QTMAN: variants seen among roughly 807,000 people sequenced by gnomAD.
The protein encoded by QTMAN is queuosine-tRNA mannosyltransferase, also known as tRNA-queuosine alpha-mannosyltransferase.
chr2:144,293,546 A>G, the QTMAN span, among the ~76,000 whole-genome samples: 1 of 152,192 alleles, frequency 6.6e-6, no homozygotes, highest in African/African-American at 2.4e-5. Context: ...AGATTTGAAC[A>G]TAACTCTAAA....
chr2:144,074,208 T>A, the QTMAN span, among the ~76,000 whole-genome samples: 1 of 152,208 alleles, frequency 6.6e-6, no homozygotes, highest in African/African-American at 2.4e-5. Context: ...ATTTTAAGAA[T>A]TTAGGAGCAG....
At chr2:144,117,048 G>A in the QTMAN span, among the ~76,000 whole-genome samples, 1 of 152,254 alleles carries the variant, frequency 6.6e-6, no homozygotes, top group South Asian at 2.1e-4. Flanking sequence ...GGTGAATACC[G>A]GTCTCTATTT....
the QTMAN span, among the ~76,000 whole-genome samples, chr2:144,262,310 G>T: frequency 3.9e-5 from 6 of 152,020 alleles, no homozygotes; most frequent in East Asian, 1.2e-3. Context: ...TGTTCTTACC[G>T]GCTTTGGTCA....
At chr2:144,016,218 T>C in the QTMAN span, among the ~76,000 whole-genome samples, 1 of 152,214 alleles carries the variant, frequency 6.6e-6, no homozygotes, top group Non-Finnish European at 1.5e-5. Flanking sequence ...TTTGGTCTGT[T>C]AACCCCCCAA....
the QTMAN span, among the ~76,000 whole-genome samples, chr2:144,057,047 A>C: frequency 6.6e-6 from 1 of 152,320 alleles, no homozygotes; most frequent in East Asian, 1.9e-4. Flanking sequence ...GAACAAAGGC[A>C]ATCAGAGTTA....
chr2:144,135,604 G>A, the QTMAN span, among the ~76,000 whole-genome samples: 1 of 152,004 alleles, frequency 6.6e-6, no homozygotes, highest in African/African-American at 2.4e-5. Flanking sequence ...GCTTTCAAAA[G>A]CCTTGAGCGC....
At chr2:144,008,057 T>C in the QTMAN span, among the ~76,000 whole-genome samples, 2 of 152,158 alleles carry the variant, frequency 1.3e-5, no homozygotes, top group African/African-American at 4.8e-5. Flanking sequence ...TTTTTTATTA[T>C]CATTTCTCTC....
At chr2:144,304,183 T>C in the QTMAN span, among the ~76,000 whole-genome samples, 1 of 152,218 alleles carries the variant, frequency 6.6e-6, no homozygotes, top group African/African-American at 2.4e-5. Flanking sequence ...TCGTTGACCA[T>C]GCACAGCATT....
the QTMAN span, among the ~76,000 whole-genome samples, chr2:144,243,187 G>C: frequency 6.6e-6 from 1 of 152,120 alleles, no homozygotes; most frequent in African/African-American, 2.4e-5. Context: ...GAAACTCACA[G>C]GAAGATTCTA....
chr2:143,976,429 C>A, the QTMAN span, among the ~76,000 whole-genome samples: 1 of 152,168 alleles, frequency 6.6e-6, no homozygotes, highest in Non-Finnish European at 1.5e-5. Flanking sequence ...CTTTACTTCC[C>A]ATTATGAAAT....
the QTMAN span, among the ~76,000 whole-genome samples, chr2:144,037,237 G>A: frequency 6.6e-6 from 1 of 152,316 alleles, no homozygotes; most frequent in African/African-American, 2.4e-5. Context: ...ACAACAACGT[G>A]AATGAACTAA....
chr2:144,327,036 TCTC>T, the QTMAN span, among the ~76,000 whole-genome samples: 1 of 152,106 alleles, frequency 6.6e-6, no homozygotes, highest in African/African-American at 2.4e-5. Flanking sequence ...CCTCTGACCT[TCTC>T]CTGCCCCAAG....
At chr2:144,323,159 T>C in the QTMAN span, among the ~76,000 whole-genome samples, 1 of 152,150 alleles carries the variant, frequency 6.6e-6, no homozygotes, top group Non-Finnish European at 1.5e-5. Flanking sequence ...CAAGTAAAAA[T>C]GATGCTTCAT....
chr2:144,308,943 G>C, the QTMAN span, among the ~76,000 whole-genome samples: 34 of 152,088 alleles, frequency 2.2e-4, no homozygotes, highest in Non-Finnish European at 8.8e-5. Flanking sequence ...ACAATCCAAC[G>C]TTTTTTAATG....
At chr2:144,293,158 T>TA in the QTMAN span, among the ~76,000 whole-genome samples, 1 of 152,114 alleles carries the variant, frequency 6.6e-6, no homozygotes, top group Non-Finnish European at 1.5e-5. Context: ...ATTGAGTGCA[T>TA]AAAAAAGACT....
At chr2:144,145,983 T>TAAGAAAAAAAAAAAAAAAAA in the QTMAN span, 2 of 19,440 alleles carry the variant, frequency 1.0e-4, 1 homozygote, top group Non-Finnish European at 2.4e-4. Context: ...TGAGAAATGT[T>TAAGAAAAAAAAAAAAAAAAA]AAAAAAAAAA....
chr2:144,254,048 G>T, the QTMAN span, among the ~76,000 whole-genome samples: 1 of 152,222 alleles, frequency 6.6e-6, no homozygotes. Context: ...CACAGCTCAG[G>T]CTGTTGCTTC....
the QTMAN span, chr2:143,938,652 T>G: frequency 1.3e-5 from 2 of 152,348 alleles, no homozygotes; most frequent in South Asian, 4.1e-4. Flanking sequence ...TTTCAATTTT[T>G]TTTTTCATCA....
the QTMAN span, among the ~76,000 whole-genome samples, chr2:144,079,108 C>G: frequency 6.6e-6 from 1 of 152,088 alleles, no homozygotes; most frequent in Non-Finnish European, 1.5e-5. Flanking sequence ...ACTAGCAAAC[C>G]TCATTGACCC....
Sources: allele counts gnomAD v4.1 joint callset (sites outside exome capture counted in the v4.1 genomes callset), GRCh38; gene constraint gnomAD v4.1.1; transcripts MANE v1.5; gene names NCBI Gene and HGNC (gene_info 2026-07-23, HGNC 2026-07-21).